Variants in POLB observed in about 807,000 individuals in gnomAD.
POLB encodes the protein 5'-dRP lyase.
Under a neutral mutation model 52.7 loss-of-function variants are expected in POLB, and 37 were observed. The ratio of observed to expected loss-of-function variants is 0.70; its 90% CI spans 0.54 to 0.92. The LOEUF is 0.92. Ranked by LOEUF, POLB falls within the 40% of genes least tolerant of loss-of-function variation. The pLI is 0.00. For missense variants in POLB, 313 were observed against 400.8 expected (o/e 0.78, Z 1.87); for synonymous variants, 138 against 131.3 (o/e 1.05, Z -0.35).
At chr8:42,370,259 GTTTTTT>G (rs34271342) in intron 13 of POLB, 226 of 290,132 alleles carry the variant, frequency 7.8e-4, no homozygotes, top group Middle Eastern at 1.6e-3. Flanking sequence ...ATCTAAAAGG[GTTTTTT>G]TTTTTTTTTT....
At chr8:42,344,847 G>A (rs1822508825) in intron 2 of POLB, 106 bp from the exon 3 acceptor site, 1 of 714,848 alleles carries the variant, frequency 1.4e-6, no homozygotes, top group Admixed American at 2.4e-5. Context: ...AGTTATCTTG[G>A]TGAAAGCATA....
intron 5 of POLB, 38 bp downstream of exon 5, chr8:42,350,103 AGTTT>A (rs1194338826): frequency 7.3e-7 from 1 of 1,377,980 alleles, no homozygotes; most frequent in Non-Finnish European, 1.0e-6. Context: ...ATCGTCAGTT[AGTTT>A]ATTTTTCCTG....
intron 7 of POLB, 107 bp downstream of exon 7, chr8:42,355,674 A>G (rs2130817730): frequency 1.5e-6 from 1 of 657,078 alleles, no homozygotes; most frequent in African/African-American, 1.8e-5. Flanking sequence ...AACCACAACC[A>G]TTTTCCTATT....
chr8:42,354,777 C>T (rs915845365), intron 6 of POLB, among the ~76,000 whole-genome samples: 1 of 151,596 alleles, frequency 6.6e-6, no homozygotes, highest in South Asian at 2.1e-4. Flanking sequence ...CTCCTGACCT[C>T]ATGATCCTCC....
At chr8:42,343,183 G>C (rs1402791867) in intron 2 of POLB, among the ~76,000 whole-genome samples, 1 of 151,348 alleles carries the variant, frequency 6.6e-6, no homozygotes, top group African/African-American at 2.4e-5. Flanking sequence ...TTAGCCAGGC[G>C]TGGTGGCGGG....
intron 13 of POLB, among the ~76,000 whole-genome samples, chr8:42,371,331 C>T (rs1215147876): frequency 6.6e-6 from 1 of 152,100 alleles, no homozygotes; most frequent in East Asian, 1.9e-4. Context: ...CCATGTTGGT[C>T]AGGCTGGTCT....
intron 2 of POLB, chr8:42,339,306 C>A: frequency 3.8e-6 from 2 of 522,330 alleles, no homozygotes; most frequent in Non-Finnish European, 6.9e-6. Flanking sequence ...CGTATTTTGT[C>A]ATCATCAAAC....
At chr8:42,349,224 C>T (rs755163872) in intron 4 of POLB, 134 bp downstream of exon 4, 12 of 549,868 alleles carry the variant, frequency 2.2e-5, no homozygotes, top group Non-Finnish European at 3.6e-5. Flanking sequence ...AAGTTGATGG[C>T]TTTAACTTTT....
chr8:42,349,143 A>T, intron 4 of POLB, 53 bp downstream of exon 4: 1 of 1,000,956 alleles, frequency 1.0e-6, no homozygotes. Context: ...CTTTATGGCC[A>T]CTATGTAGCG....
At position 42,371,788 on chromosome 8, in the gene POLB, A is replaced by G. The variant is rs76029857; in HGVS notation, c.*131A>G. ...CATGCTTTTGCTTGCAATGTAGTCA[A>G]TAAAACCTCATGTACTATTATTGGA... On this transcript the variant is annotated 3_prime_UTR_variant, in exon 14 of 14. Transcript: ENST00000265421. The G allele has an allele frequency of 2.8e-3, 1,788 of 628,570 alleles. 29 individuals are homozygous for G. Among genetic ancestry groups the G allele is most frequent in the South Asian group, 0.02 (1,123 of 56,750 alleles). 38.9% of individuals were successfully genotyped at this position (628,570 alleles called of 1,614,324 possible).
At chr8:42,342,421 T>C (rs990359909) in intron 2 of POLB, 5 of 1,422,490 alleles carry the variant, frequency 3.5e-6, no homozygotes, top group Non-Finnish European at 4.9e-6. Context: ...GACTATCATA[T>C]CCCCCTCTAT....
intron 13 of POLB, among the ~76,000 whole-genome samples, chr8:42,370,625 A>G (rs1824322281): frequency 6.6e-6 from 1 of 152,186 alleles, no homozygotes; most frequent in African/African-American, 2.4e-5. Context: ...CACTAAATTC[A>G]GATTCTAATT....
At chr8:42,361,540 T>TC (rs1823687569) in intron 10 of POLB, 175 bp downstream of exon 10, 20 of 597,998 alleles carry the variant, frequency 3.3e-5, no homozygotes, top group Non-Finnish European at 5.4e-5. Context: ...AGGATACCTA[T>TC]TATTCTTCCA....
intron 9 of POLB, among the ~76,000 whole-genome samples, chr8:42,360,304 C>T (rs967126036): frequency 2.6e-5 from 4 of 152,110 alleles, no homozygotes; most frequent in Admixed American, 2.0e-4. Flanking sequence ...GTGGCTCATG[C>T]TTGTAATCCC....
intron 1 of POLB, 116 bp downstream of exon 1, chr8:42,338,801 C>T (rs1822010967): frequency 2.6e-6 from 3 of 1,143,430 alleles, no homozygotes; most frequent in Admixed American, 3.8e-5. Flanking sequence ...TGCAGCGGGT[C>T]GTCTTCCGTG....
At chr8:42,361,418 C>A in intron 10 of POLB, 53 bp downstream of exon 10, 1 of 1,220,564 alleles carries the variant, frequency 8.2e-7, no homozygotes, top group Non-Finnish European at 1.2e-6. Flanking sequence ...CAGTGAATTT[C>A]ACTTTTTAAG....
chr8:42,340,838 A>G (rs1394192413), intron 2 of POLB, among the ~76,000 whole-genome samples: 1 of 152,128 alleles, frequency 6.6e-6, no homozygotes, highest in African/African-American at 2.4e-5. Context: ...AAATAATTGT[A>G]TTATCATCCA....
At chr8:42,355,228 TG>T (rs1823233065) in intron 6 of POLB, among the ~76,000 whole-genome samples, 1 of 151,254 alleles carries the variant, frequency 6.6e-6, no homozygotes, top group South Asian at 2.1e-4. Flanking sequence ...TTAGTAGAGA[TG>T]GGGTTTCACC....
Position 42,352,541 on chromosome 8 carries a change from G to A in POLB, c.343G>A (p.Val115Ile). 1.2e-6 allele frequency: 2 copies of A among 1,601,180 alleles called. No individual in the cohort carries two copies. The highest frequency in any genetic ancestry group is 1.7e-6 in the Non-Finnish European group (2 of 1,168,294). Residue 115 changes from valine to isoleucine, a missense_variant, in exon 6 of 14, where the codon GTA becomes ATA. By Grantham distance (29) the Val-to-Ile change is conservative. This residue lies in a region of POLB where 246 missense variants were observed against 297.6 expected (regional missense o/e 0.83). Transcript: ENST00000265421. ...GIGPSAARKF[V>I]DEGIKTLEDL... ...TAGTCCATCTGCTGCAAGGAAGTTT[G>A]TAGATGAAGGAATTAAAACACTAGA...
Sources: allele counts gnomAD v4.1 joint callset (sites outside exome capture counted in the v4.1 genomes callset), GRCh38; gene constraint gnomAD v4.1.1; regional missense constraint gnomAD v4.1.1; transcripts MANE v1.5; gene names NCBI Gene and HGNC (gene_info 2026-07-23, HGNC 2026-07-21).